Variants in MTMR10 observed in about 807,000 individuals in gnomAD.
MTMR10 encodes myotubularin-related protein 10.
Under a neutral mutation model 88.1 loss-of-function variants are expected in MTMR10, and 56 were observed. That is an observed-to-expected ratio of 0.64 (90% CI 0.51 to 0.79). MTMR10 has a LOEUF of 0.79. MTMR10 is among the 30% of genes least tolerant of loss of function. MTMR10 has a pLI of 0.00. For missense variants in MTMR10, 883 were observed against 924.7 expected (o/e 0.95, Z 0.58); for synonymous variants, 380 against 340.9 (o/e 1.11, Z -1.26).
the MTMR10 span, chr15:30,928,845 G>C: frequency 1.1e-6 from 1 of 939,834 alleles, no homozygotes; most frequent in Non-Finnish European, 1.3e-6. Context: ...AGTATGTGAA[G>C]TTTTAAACTT....
chr15:30,926,257 C>T, the MTMR10 span, among the ~76,000 whole-genome samples: 1 of 152,238 alleles, frequency 6.6e-6, no homozygotes, highest in Admixed American at 6.5e-5. Context: ...CACTTCCATT[C>T]AGTGTTCCTT....
At chr15:30,942,798 G>C in intron 15 of MTMR10, 92 bp downstream of exon 15, 5 of 1,296,272 alleles carry the variant, frequency 3.9e-6, no homozygotes, top group Admixed American at 5.3e-5. Context: ...TGTTACTCTT[G>C]GAAGTGCCTT....
At chr15:30,963,674 T>TAGATAGACAGACAGAC (rs1401363462) in intron 6 of MTMR10, among the ~76,000 whole-genome samples, 6 of 148,380 alleles carry the variant, frequency 4.0e-5, no homozygotes, top group South Asian at 2.1e-4. Context: ...GACAGACAGA[T>TAGATAGACAGACAGAC]AGATAGATAG....
chr15:30,930,677 T>C, the MTMR10 span: 1 of 1,612,704 alleles, frequency 6.2e-7, no homozygotes, highest in Admixed American at 1.7e-5. Flanking sequence ...TTAAGGTCAG[T>C]TGAGGCAGAA....
Position 30,974,354 on chromosome 15 carries a change from C to A in MTMR10, c.434G>T (p.Arg145Ile), listed in dbSNP as rs759657080. 2.5e-6 allele frequency: 4 copies of A among 1,605,016 alleles called. No individual in the cohort carries two copies. In the Admixed American group the frequency reaches 6.7e-5, roughly 27 times the overall value. ...IIYCKDFRIV[R>I]FRFDESGPES... ...GGGACCTGATTCATCAAAGCGAAAT[C>A]TGACAATTCTGAAATCTTTACAATA... is the stretch of plus-strand genomic sequence containing the variant. The change falls in exon 5 of 16, where the codon AGA becomes ATA. Residue 145 changes from arginine (R) to isoleucine (I), a missense_variant. Coordinates refer to ENST00000435680, the MANE Select transcript of MTMR10 (RefSeq NM_017762.3).
At chr15:30,957,872 G>A (rs1302547264) in intron 9 of MTMR10, among the ~76,000 whole-genome samples, 1 of 152,210 alleles carries the variant, frequency 6.6e-6, no homozygotes, top group Non-Finnish European at 1.5e-5. Flanking sequence ...GACATGGAAG[G>A]AGGAAATGAT....
intron 11 of MTMR10, among the ~76,000 whole-genome samples, chr15:30,953,215 G>A (rs1331694970): frequency 6.6e-6 from 1 of 152,218 alleles, no homozygotes; most frequent in Non-Finnish European, 1.5e-5. Context: ...ATGGCGATGA[G>A]GGTGCACCTA....
chr15:30,946,830 G>T (rs1034562348), intron 14 of MTMR10: 1 of 674,880 alleles, frequency 1.5e-6, no homozygotes. Flanking sequence ...CTACCCAATA[G>T]CCCAAATGTG....
chr15:30,937,364 G>A (rs1380718479), downstream of MTMR10: 2 of 1,093,130 alleles, frequency 1.8e-6, no homozygotes, highest in Non-Finnish European at 2.6e-6. Flanking sequence ...CTGATAGTTT[G>A]ACTTGTCATT....
At chr15:30,987,520 A>G (rs1206027414) in intron 2 of MTMR10, among the ~76,000 whole-genome samples, 2 of 152,230 alleles carry the variant, frequency 1.3e-5, no homozygotes, top group African/African-American at 2.4e-5. Flanking sequence ...AACAGTGCAC[A>G]TGGTGACAGC....
intron 14 of MTMR10, 89 bp from the exon 15 acceptor site, chr15:30,943,161 T>G (rs1357217243): frequency 3.9e-5 from 57 of 1,470,674 alleles, no homozygotes; most frequent in Non-Finnish European, 4.7e-5. Context: ...TTACACAGGT[T>G]AAATGTTCTG....
chr15:30,945,759 C>G (rs945331521), intron 14 of MTMR10, among the ~76,000 whole-genome samples: 1 of 152,198 alleles, frequency 6.6e-6, no homozygotes, highest in African/African-American at 2.4e-5. Context: ...ATCACTGGTT[C>G]TCAGCACAGT....
rs117185708 is a variant in MTMR10, at chr15:30,988,672, C to T, written c.121+2105G>A. Among the ~76,000 whole-genome samples, 926 of 152,248 alleles carry T rather than the reference C, an allele frequency of 6.1e-3. 6 individuals carry two copies. The highest frequency in any genetic ancestry group is 0.02 in the Middle Eastern group (6 of 294). ...TACTTAGTAACACCTTTTCTTAGCA[C>T]ATATCTTAAATTTAAAAGCTAATTT... is the stretch of plus-strand genomic sequence containing the variant. On this transcript the variant is annotated intron_variant, in intron 2 of 15. Coordinates refer to ENST00000435680, the MANE Select transcript of MTMR10 (RefSeq NM_017762.3).
chr15:30,968,390 A>G (rs907300173), intron 5 of MTMR10, among the ~76,000 whole-genome samples: 1 of 152,144 alleles, frequency 6.6e-6, no homozygotes, highest in Non-Finnish European at 1.5e-5. Context: ...GTGGACTATA[A>G]AGGATTAATA....
the MTMR10 span, chr15:30,928,394 A>G: frequency 4.8e-6 from 7 of 1,455,756 alleles, no homozygotes; most frequent in African/African-American, 1.0e-4. Context: ...TAAACTGGGA[A>G]TGGCGTGAAA....
At chr15:30,978,874 G>A (rs1447675238) in intron 2 of MTMR10, among the ~76,000 whole-genome samples, 7 of 148,128 alleles carry the variant, frequency 4.7e-5, no homozygotes, top group East Asian at 2.1e-4. Context: ...GAATTCTAAC[G>A]AGAAAAAAAA....
rs534778440 is a variant in MTMR10 at position 30,976,830 on chromosome 15, T to C, written c.247A>G (p.Met83Val). The change falls in exon 3 of 16, where the codon ATG (methionine) becomes GTG (valine). Residue 83 changes from methionine (M) to valine (V), a missense_variant. By Grantham distance (21) the Met-to-Val change is conservative (BLOSUM62 1). Coordinates refer to ENST00000435680, the MANE Select transcript of MTMR10 (RefSeq NM_017762.3). The part of the protein sequence containing the change: ...FKISFITDDP[M>V]PLQKFHYRNL... ...CTAATAAAACACACCTGTAATGGCATTGGGTCATCTGTAATAAAGGAGATT... is the reference window on the plus strand; with the variant it reads ...CTAATAAAACACACCTGTAATGGCACTGGGTCATCTGTAATAAAGGAGATT... 30 of 1,613,720 alleles carry C rather than the reference T, an allele frequency of 1.9e-5. No homozygotes were observed. Among genetic ancestry groups the C allele is most frequent in the Middle Eastern group, 3.3e-4 (2 of 6,062 alleles).
rs1204340230 is a variant in MTMR10, at chr15:30,967,955, G to A, written c.530C>T (p.Ala177Val). ...GTATTTTTTCCCAACATATTCAAAT[G>A]CAAAGAGTAGCTGGAGGTCTGTTGG... The part of the protein sequence containing the change: ...SQPTDLQLLF[A>V]FEYVGKKYHN... The change falls in exon 6 of 16, where the codon GCA (alanine) becomes GTA (valine). Residue 177 changes from alanine (A) to valine (V), a missense_variant. This residue lies in a region of MTMR10 where 414 missense variants were observed against 423.2 expected (regional missense o/e 0.98). Transcript: ENST00000435680. The A allele has an allele frequency of 6.4e-7, 1 of 1,570,054 alleles. No homozygotes were observed. Among genetic ancestry groups the A allele is most frequent in the Non-Finnish European group, 8.6e-7 (1 of 1,156,220 alleles).
At chr15:30,937,089 A>G, downstream of MTMR10, 1 of 1,594,792 alleles carries the variant, frequency 6.3e-7, no homozygotes, top group Non-Finnish European at 8.6e-7. Flanking sequence ...GTAAGATACT[A>G]ATAACAACTT....
Sources: allele counts gnomAD v4.1 joint callset (sites outside exome capture counted in the v4.1 genomes callset), GRCh38; gene constraint gnomAD v4.1.1; regional missense constraint gnomAD v4.1.1; transcripts MANE v1.5; gene names NCBI Gene and HGNC (gene_info 2026-07-23, HGNC 2026-07-21).